RASGEF1C: variants seen among roughly 807,000 people sequenced by gnomAD.
RASGEF1C encodes the protein RasGEF domain family member 1C.
A neutral mutation model predicts 58.1 loss-of-function variants in RASGEF1C; 27 were observed. The observed-to-expected ratio is 0.46, with a 90% CI of 0.34 to 0.64. The LOEUF is 0.64. Ranked by LOEUF, RASGEF1C falls within the 30% of genes least tolerant of loss-of-function variation. RASGEF1C has a pLI of 0.01. For synonymous variants in RASGEF1C, 243 were observed against 246.3 expected (o/e 0.99, Z 0.13); for missense variants, 502 against 605.1 (o/e 0.83, Z 1.79).
chr5:180,191,038 T>G (rs1012979269), intron 1 of RASGEF1C, among the ~76,000 whole-genome samples: 1 of 152,194 alleles, frequency 6.6e-6, no homozygotes, highest in African/African-American at 2.4e-5. Context: ...GCATAAGAAA[T>G]GATGTCTCAT....
intron 7 of RASGEF1C, 147 bp downstream of exon 7, chr5:180,120,913 G>T: frequency 1.7e-6 from 1 of 605,848 alleles, no homozygotes; most frequent in South Asian, 1.9e-5. Flanking sequence ...GTGTCACCTG[G>T]AGTCCTGGAG....
At chr5:180,149,547 C>T (rs1766712983) in intron 1 of RASGEF1C, among the ~76,000 whole-genome samples, 1 of 151,972 alleles carries the variant, frequency 6.6e-6, no homozygotes. Context: ...ACTCCAACTC[C>T]CTGGTTCAAG....
In RASGEF1C at chr5:180,121,147, G is replaced by C. The variant is rs1185963000; in HGVS notation, c.717C>G (p.Pro239=). Residue 239 remains proline, a splice_region_variant and synonymous_variant, in exon 7 of 14, where the codon CCC becomes CCG. Coordinates refer to ENST00000361132, the MANE Select transcript of RASGEF1C (RefSeq NM_175062.4). ...GGTTGCTGGTCTTGTCACTGAAGCA[G>C]GGCTAGAACAAACACAGCACACGGG... ...VNKDPLASTK[P]CFSDKTSNLE... The C allele has an allele frequency of 1.2e-6, 2 of 1,613,014 alleles. No homozygotes were observed. Among genetic ancestry groups the C allele is most frequent in the Admixed American group, 3.3e-5 (2 of 60,022 alleles).
rs376838680 is a variant in RASGEF1C, at chr5:180,109,814, C to T, written c.1303+1643G>A. Among the ~76,000 whole-genome samples, 44 of 152,342 alleles carry T rather than the reference C, an allele frequency of 2.9e-4. 2 individuals are homozygous for T. The East Asian group carries it at 8.3e-3, about 29-fold the overall frequency. On this transcript the variant is annotated intron_variant, in intron 12 of 13. Transcript: ENST00000361132. ...AAGGCCAGGAAATAGATTCTCCTCT[C>T]AGGGCCTCCAGAAGAAACCAGCCCT... is the stretch of plus-strand genomic sequence containing the variant.
intron 10 of RASGEF1C, 88 bp from the exon 11 acceptor site, chr5:180,114,629 GC>G: frequency 7.6e-7 from 1 of 1,307,534 alleles, no homozygotes; most frequent in Non-Finnish European, 1.1e-6. Context: ...GCAGATAGCT[GC>G]CCCAGGGACC....
chr5:180,102,215 T>G (rs1355717295), intron 12 of RASGEF1C, 72 bp from the exon 13 acceptor site: 12 of 876,122 alleles, frequency 1.4e-5, no homozygotes, highest in Non-Finnish European at 2.3e-5. Flanking sequence ...CTGCTATATC[T>G]GCGTGGGTCT....
chr5:180,111,319 C>T, intron 12 of RASGEF1C, 138 bp downstream of exon 12: 1 of 1,157,216 alleles, frequency 8.6e-7, no homozygotes, highest in Non-Finnish European at 1.2e-6. Flanking sequence ...TGGAGCCCTC[C>T]TTGTTCCCTC....
At position 180,197,785 on chromosome 5, in the gene RASGEF1C, T is replaced by C. The variant is rs1462863869; in HGVS notation, c.-7+11243A>G. ...TTTTACTATGTATTATTTAGCCAGA[T>C]TGGCACTTTTGAACACTGTCTGGAT... On this transcript the variant is annotated intron_variant, in intron 1 of 13. Transcript: ENST00000361132. The surrounding 1 kb of genome is among the most constrained non-coding windows in gnomAD (Gnocchi z 4.7). Among the ~76,000 whole-genome samples the C allele has an allele frequency of 2.6e-5, 4 of 152,202 alleles. No individual in the cohort carries two copies. The highest frequency in any genetic ancestry group is 4.8e-5 in the African/African-American group (2 of 41,452).
chr5:180,188,569 G>A (rs1264174107), intron 1 of RASGEF1C, among the ~76,000 whole-genome samples: 3 of 152,122 alleles, frequency 2.0e-5, no homozygotes, highest in African/African-American at 7.2e-5. Context: ...TGGATAAAAG[G>A]CATCGGTGAG....
At chr5:180,140,869 A>G (rs1766566973) in intron 1 of RASGEF1C, among the ~76,000 whole-genome samples, 1 of 152,190 alleles carries the variant, frequency 6.6e-6, no homozygotes, top group Non-Finnish European at 1.5e-5. Flanking sequence ...GCGGGGGGCA[A>G]CGTGGTGTGA....
rs573005556 is a variant in RASGEF1C at position 180,155,788 on chromosome 5, G to A, written c.-6-17730C>T. On this transcript the variant is annotated intron_variant, in intron 1 of 13. Coordinates refer to ENST00000361132, the MANE Select transcript of RASGEF1C (RefSeq NM_175062.4). This position sits in a 1 kb window ranked among gnomAD's most constrained non-coding sequence, Gnocchi z 5.2. ...GAGGCACAGCCCAGTCACTCCCCAA[G>A]CCACAGTGAAGGGGTTTGTTTCACC... Among the ~76,000 whole-genome samples, 2 of 152,224 alleles carry A rather than the reference G, an allele frequency of 1.3e-5. No homozygotes were observed. The highest frequency in any genetic ancestry group is 2.1e-4 in the South Asian group (1 of 4,814).
At chr5:180,193,149 G>A (rs1370599918) in intron 1 of RASGEF1C, among the ~76,000 whole-genome samples, 2 of 142,740 alleles carry the variant, frequency 1.4e-5, no homozygotes, top group African/African-American at 2.5e-5. Flanking sequence ...TCCACCTCCC[G>A]GGTTCACACC....
chr5:180,182,199 C>T lies in RASGEF1C; in HGVS notation c.-7+26829G>A, dbSNP rs541869772. On this transcript the variant is annotated intron_variant, in intron 1 of 13. Transcript: ENST00000361132. ...CAGCCTGGGCAACAGAGCAAGACTC[C>T]GTCTCAAAAAAAAAAAAAAAAAAAA... 3.1e-4 allele frequency among the ~76,000 whole-genome samples: 25 copies of T among 80,080 alleles called. No individual in the cohort carries two copies. The East Asian group carries it at 4.5e-3, about 14-fold the overall frequency. 52.5% of individuals were successfully genotyped at this position (80,080 alleles called of 152,430 possible).
intron 1 of RASGEF1C, among the ~76,000 whole-genome samples, chr5:180,153,956 C>T (rs1301070473): frequency 1.3e-5 from 2 of 152,200 alleles, no homozygotes; most frequent in African/African-American, 4.8e-5. Flanking sequence ...TTGGGAGGGG[C>T]TGGGGCCATG....
chr5:180,172,843 T>A (rs79319004), intron 1 of RASGEF1C, among the ~76,000 whole-genome samples: 36,475 of 152,108 alleles, frequency 0.24, 5,070 homozygotes, highest in Non-Finnish European at 0.31. Flanking sequence ...TGCCTCCCTG[T>A]GCTCCTCACC....
chr5:180,190,445 G>T (rs10046049), intron 1 of RASGEF1C, among the ~76,000 whole-genome samples: 4,677 of 133,926 alleles, frequency 0.035, 325 homozygotes, highest in East Asian at 0.19. Flanking sequence ...AGCTGAGATC[G>T]CGCCACTGCA....
intron 1 of RASGEF1C, among the ~76,000 whole-genome samples, chr5:180,173,868 G>T (rs955299653): frequency 6.7e-6 from 1 of 150,124 alleles, no homozygotes; most frequent in South Asian, 2.1e-4. Flanking sequence ...AGCTGAGATT[G>T]TGCCACTGCA....
At chr5:180,189,923 CAAAAAAA>C (rs71001085) in intron 1 of RASGEF1C, among the ~76,000 whole-genome samples, 1,207 of 37,204 alleles carry the variant, frequency 0.032, 8 homozygotes, top group South Asian at 0.11. Flanking sequence ...AACTCCATCT[CAAAAAAA>C]AAAAAAAAAA....
chr5:180,205,183 C>T (rs557704859), intron 1 of RASGEF1C, among the ~76,000 whole-genome samples: 4 of 151,112 alleles, frequency 2.6e-5, no homozygotes, highest in South Asian at 2.1e-4. Context: ...AGCGAGACTC[C>T]GTCTCAAAAT....
Sources: gnomAD v4.1 joint callset for allele counts (sites outside exome capture counted in the v4.1 genomes callset) on GRCh38, gnomAD v4.1.1 for gene constraint, Gnocchi (gnomAD v3.1) non-coding constraint, MANE v1.5 for transcripts, NCBI Gene and HGNC (gene_info 2026-07-23, HGNC 2026-07-21) for gene names.